Variants in ARHGAP24 observed in about 807,000 individuals in gnomAD.
ARHGAP24 encodes the protein Rho GTPase activating protein 24, also known as rho GTPase-activating protein 24.
In ARHGAP24, 50 loss-of-function variants were observed where a neutral mutation model predicts 76.4. The observed-to-expected ratio is 0.65, with a 90% CI of 0.52 to 0.83. ARHGAP24 has a LOEUF of 0.83. Among genes scored for constraint, ARHGAP24 ranks in the 40% least tolerant of loss-of-function variants. The pLI is 0.00. For missense variants in ARHGAP24, 930 were observed against 914.2 expected (o/e 1.02, Z -0.22); for synonymous variants, 345 against 323.3 (o/e 1.07, Z -0.72).
chr4:85,731,912 C>G (rs1386945881), intron 3 of ARHGAP24, among the ~76,000 whole-genome samples: 1 of 152,154 alleles, frequency 6.6e-6, no homozygotes, highest in African/African-American at 2.4e-5. Flanking sequence ...AAGTAGTACT[C>G]TCCTCATTCT....
At position 85,972,078 on chromosome 4, in the gene ARHGAP24, C is replaced by A. The variant is rs1459531787; in HGVS notation, c.642C>A (p.Tyr214Ter). ...CGGTGGCATCACTTCTTAAGCTGTA[C>A]CTCCGAGAACTTCCAGAACCAGTTA... ...VHTVASLLKLYLRELPEPVIP... is the reference protein window; with the variant it reads ...VHTVASLLKL Residue 214 changes from tyrosine (Y) to a stop codon, truncating the protein, a stop_gained, in exon 6 of 10, where the codon TAC becomes TAA. Transcript: ENST00000395184. LOFTEE classifies it high-confidence loss of function. 1.2e-6 allele frequency: 2 copies of A among 1,614,082 alleles called. No homozygotes were observed. Among genetic ancestry groups the A allele is most frequent in the East Asian group, 4.5e-5 (2 of 44,882 alleles).
At chr4:85,563,485 T>C (rs1271417873) in intron 1 of ARHGAP24, among the ~76,000 whole-genome samples, 1 of 152,184 alleles carries the variant, frequency 6.6e-6, no homozygotes, top group Non-Finnish European at 1.5e-5. Context: ...TTCTGGTGTC[T>C]CTTCTTATAA....
At chr4:85,830,420 T>A (rs1430984355) in intron 3 of ARHGAP24, among the ~76,000 whole-genome samples, 2 of 152,224 alleles carry the variant, frequency 1.3e-5, no homozygotes, top group Non-Finnish European at 1.5e-5. Flanking sequence ...CCTACTTTTT[T>A]AATCCATCTA....
chr4:85,489,938 C>T (rs1363990487), intron 1 of ARHGAP24, among the ~76,000 whole-genome samples: 1 of 152,100 alleles, frequency 6.6e-6, no homozygotes, highest in Non-Finnish European at 1.5e-5. Context: ...TTTTCTTAAT[C>T]TCTTAGAAAT....
At chr4:85,628,376 T>A (rs948935217) in intron 2 of ARHGAP24, among the ~76,000 whole-genome samples, 1 of 152,220 alleles carries the variant, frequency 6.6e-6, no homozygotes, top group Non-Finnish European at 1.5e-5. Context: ...CTTCTTAAAT[T>A]TGTTGTCTCA....
chr4:85,800,679 A>G (rs978074753), intron 3 of ARHGAP24, among the ~76,000 whole-genome samples: 1 of 152,238 alleles, frequency 6.6e-6, no homozygotes, highest in African/African-American at 2.4e-5. Context: ...TCATTAAGCC[A>G]TATCAAAAGG....
chr4:85,845,631 C>T (rs967350610), intron 3 of ARHGAP24, among the ~76,000 whole-genome samples: 1 of 152,118 alleles, frequency 6.6e-6, no homozygotes, highest in Non-Finnish European at 1.5e-5. Flanking sequence ...CATAGCAGTG[C>T]CCCTAATCAC....
chr4:85,596,117 C>G (rs1719826650), intron 2 of ARHGAP24, among the ~76,000 whole-genome samples: 2 of 151,592 alleles, frequency 1.3e-5, no homozygotes, highest in Non-Finnish European at 2.9e-5. Flanking sequence ...GGTAACCCAG[C>G]AAAGCTTTTT....
At chr4:85,561,145 A>ATGTCC (rs1726580448) in intron 1 of ARHGAP24, among the ~76,000 whole-genome samples, 2 of 152,216 alleles carry the variant, frequency 1.3e-5, no homozygotes, top group African/African-American at 4.8e-5. Flanking sequence ...GATAAGGGTC[A>ATGTCC]TGTCCAGGAT....
intron 8 of ARHGAP24, among the ~76,000 whole-genome samples, chr4:85,989,754 T>C (rs1405272313): frequency 1.3e-5 from 2 of 151,678 alleles, no homozygotes; most frequent in African/African-American, 4.8e-5. Flanking sequence ...TTCACTGTAT[T>C]AATACACCAC....
intron 3 of ARHGAP24, among the ~76,000 whole-genome samples, chr4:85,828,315 G>A (rs995112153): frequency 1.3e-5 from 2 of 152,114 alleles, no homozygotes; most frequent in Non-Finnish European, 2.9e-5. Context: ...AACTGCTTCC[G>A]ATAAAAATCT....
intron 2 of ARHGAP24, among the ~76,000 whole-genome samples, chr4:85,575,450 A>G (rs6828020): frequency 0.97 from 147,332 of 152,274 alleles, 71,465 homozygotes; most frequent in East Asian, 1. Context: ...CAGAGGAAAA[A>G]GTGTAAAATC....
chr4:85,923,596 A>T lies in ARHGAP24; in HGVS notation c.269-52A>T. On this transcript the variant is annotated intron_variant, in intron 3 of 9. Coordinates refer to ENST00000395184, the MANE Select transcript of ARHGAP24 (RefSeq NM_001025616.3). ...TCAGGGGTTCTTCTGGAGGCTGATC[A>T]TGAGGAATCTCTGGATGCAACTTCA... The T allele has an allele frequency of 1.9e-6, 3 of 1,611,624 alleles. No individual in the cohort carries two copies. In the South Asian group the frequency reaches 3.3e-5, roughly 18 times the overall value.
At chr4:85,875,093 A>G (rs1281398850) in intron 3 of ARHGAP24, among the ~76,000 whole-genome samples, 33 of 1,310 alleles carry the variant, frequency 0.025, 3 homozygotes, top group African/African-American at 0.052. Context: ...TAATATATTT[A>G]TCTTATATAT....
intron 1 of ARHGAP24, among the ~76,000 whole-genome samples, chr4:85,542,291 T>C (rs1401424202): frequency 6.6e-6 from 1 of 152,226 alleles, no homozygotes; most frequent in African/African-American, 2.4e-5. Flanking sequence ...CAACCTATAA[T>C]TGAAGTAAGT....
intron 1 of ARHGAP24, among the ~76,000 whole-genome samples, chr4:85,556,166 G>C (rs995012313): frequency 6.6e-6 from 1 of 152,038 alleles, no homozygotes; most frequent in African/African-American, 2.4e-5. Context: ...TCACAGAGAG[G>C]AGAGCCTGAG....
At chr4:85,810,892 C>T (rs1049634659) in intron 3 of ARHGAP24, among the ~76,000 whole-genome samples, 45 of 152,088 alleles carry the variant, frequency 3.0e-4, no homozygotes, top group Admixed American at 9.8e-4. Context: ...AGTATGAAAG[C>T]AACATGTCCA....
chr4:85,510,736 C>A lies in ARHGAP24; in HGVS notation c.-21+35177C>A, dbSNP rs796065436. Among the ~76,000 whole-genome samples the A allele has an allele frequency of 2.0e-5, 3 of 151,452 alleles. No individual in the cohort carries two copies. The East Asian group carries it at 5.8e-4, about 29-fold the overall frequency. On this transcript the variant is annotated intron_variant, in intron 1 of 9. Transcript: ENST00000395184. Reference sequence around the variant, plus strand: ...TTATGGTCATTTATTTCCTTGTCACCTTCATGGCAATAAGTCTTTAATACA... The same window carrying A: ...TTATGGTCATTTATTTCCTTGTCACATTCATGGCAATAAGTCTTTAATACA...
intron 1 of ARHGAP24, among the ~76,000 whole-genome samples, chr4:85,549,269 C>T (rs953632348): frequency 1.4e-5 from 1 of 70,796 alleles, no homozygotes; most frequent in Admixed American, 1.3e-4. Context: ...ACACTTTCAC[C>T]AGCAATATAT....
Sources: gnomAD v4.1 joint callset for allele counts (sites outside exome capture counted in the v4.1 genomes callset) on GRCh38, gnomAD v4.1.1 for gene constraint, MANE v1.5 for transcripts, NCBI Gene and HGNC (gene_info 2026-07-23, HGNC 2026-07-21) for gene names.